Variants in AGBL4 observed in about 807,000 individuals in gnomAD.
The protein encoded by AGBL4 is AGBL carboxypeptidase 4, also known as cytosolic carboxypeptidase 6.
Under a neutral mutation model 66.4 loss-of-function variants are expected in AGBL4, and 58 were observed. The observed-to-expected ratio is 0.87, with a 90% CI of 0.71 to 1.09. The LOEUF (loss-of-function observed/expected upper bound fraction) is 1.09, where lower values mean the gene tolerates loss of function less well. Among genes scored for constraint, AGBL4 ranks in the 50% least tolerant of loss-of-function variants. AGBL4 has a pLI of 0.00. For missense variants in AGBL4, 579 were observed against 631.0 expected, an observed-to-expected ratio of 0.92 and a Z score of 0.88; for synonymous variants, 234 against 222.9, an observed-to-expected ratio of 1.05 and a Z score of -0.44.
chr1:49,255,348 C>T (rs2195763), intron 3 of AGBL4, among the ~76,000 whole-genome samples: 140,240 of 152,180 alleles, frequency 0.92, 64,776 homozygotes, highest in South Asian at 0.95. Context: ...CATTAAAAAG[C>T]GGGCAAAAGA....
chr1:49,599,775 AT>A (rs1188638060), intron 3 of AGBL4, among the ~76,000 whole-genome samples: 1 of 152,112 alleles, frequency 6.6e-6, no homozygotes, highest in Non-Finnish European at 1.5e-5. Context: ...CCTCTAAACA[AT>A]GCTTTAGCTG....
chr1:48,984,872 A>G (rs754164736), intron 5 of AGBL4, among the ~76,000 whole-genome samples: 2 of 151,980 alleles, frequency 1.3e-5, no homozygotes, highest in Non-Finnish European at 2.9e-5. Context: ...GAGGAAATGT[A>G]GAAATGTGCC....
At chr1:48,607,228 A>T (rs74079422) in intron 9 of AGBL4, among the ~76,000 whole-genome samples, 2,212 of 152,268 alleles carry the variant, frequency 0.015, 53 homozygotes, top group African/African-American at 0.05. Context: ...AAATTAACTT[A>T]AAAAATATAG....
chr1:48,908,349 C>G (rs1360745005), intron 5 of AGBL4, among the ~76,000 whole-genome samples: 3 of 152,234 alleles, frequency 2.0e-5, no homozygotes, highest in Non-Finnish European at 1.5e-5. Flanking sequence ...AAGATACAAC[C>G]AATACAGCAT....
chr1:48,931,068 C>G (rs1654997559), intron 5 of AGBL4, among the ~76,000 whole-genome samples: 1 of 152,004 alleles, frequency 6.6e-6, no homozygotes, highest in Admixed American at 6.6e-5. Flanking sequence ...AAAATTGAGC[C>G]CCAAAAACTT....
At chr1:48,681,730 C>T (rs1010626580) in intron 6 of AGBL4, among the ~76,000 whole-genome samples, 5 of 152,188 alleles carry the variant, frequency 3.3e-5, no homozygotes, top group African/African-American at 1.2e-4. Context: ...GACAGGGGCT[C>T]TCAGCTCAGA....
At chr1:49,235,091 T>C (rs193159493) in intron 4 of AGBL4, among the ~76,000 whole-genome samples, 2 of 152,298 alleles carry the variant, frequency 1.3e-5, no homozygotes, top group Non-Finnish European at 2.9e-5. Context: ...TCTTGTATAG[T>C]AGTTGGAATA....
At chr1:49,891,385 G>A (rs1648628632) in intron 1 of AGBL4, among the ~76,000 whole-genome samples, 1 of 152,144 alleles carries the variant, frequency 6.6e-6, no homozygotes, top group Non-Finnish European at 1.5e-5. Context: ...CAATTTTGCT[G>A]CTCAAGGGAT....
In AGBL4 at chr1:48,574,954, T is replaced by C. The variant is rs1227870158; in HGVS notation, c.1267+12050A>G. On this transcript the variant is annotated intron_variant, in intron 11 of 13. Transcript: ENST00000371839. Reference sequence around the variant, plus strand: ...TGTGCTCCTGTAGAGAATGGCCCTGTGGCCCCAGGGGTCACAGCAAATCCT... The same window carrying C: ...TGTGCTCCTGTAGAGAATGGCCCTGCGGCCCCAGGGGTCACAGCAAATCCT... Among the ~76,000 whole-genome samples, 3 of 152,318 alleles carry C rather than the reference T, an allele frequency of 2.0e-5. No homozygotes were observed. The East Asian group carries it at 5.8e-4, about 29-fold the overall frequency.
intron 6 of AGBL4, among the ~76,000 whole-genome samples, chr1:48,693,256 G>T (rs1420187098): frequency 6.6e-6 from 1 of 152,188 alleles, no homozygotes; most frequent in Non-Finnish European, 1.5e-5. Flanking sequence ...CTGGGAAAGG[G>T]AGTGTATCTG....
At chr1:49,266,575 C>T (rs1349058561) in intron 3 of AGBL4, among the ~76,000 whole-genome samples, 1 of 151,428 alleles carries the variant, frequency 6.6e-6, no homozygotes, top group East Asian at 1.9e-4. Flanking sequence ...TAAGACTGGG[C>T]CCTTTGCCCT....
intron 1 of AGBL4, among the ~76,000 whole-genome samples, chr1:49,880,437 G>A (rs563957815): frequency 3.7e-4 from 57 of 152,248 alleles, no homozygotes; most frequent in African/African-American, 1.3e-3. Context: ...GTGTCAGTGT[G>A]CCCCTGCTGG....
intron 3 of AGBL4, among the ~76,000 whole-genome samples, chr1:49,605,127 A>C (rs1269234390): frequency 6.6e-6 from 1 of 152,162 alleles, no homozygotes; most frequent in East Asian, 1.9e-4. Context: ...GCCCAAGGTC[A>C]CAAAGCTGTG....
chr1:48,524,848 C>CT, the AGBL4 span, among the ~76,000 whole-genome samples: 876 of 144,274 alleles, frequency 6.1e-3, 5 homozygotes, highest in East Asian at 0.026. Context: ...CAGCTTTCTC[C>CT]TTTTTTTTTT....
chr1:49,711,115 T>TA (rs1265625117), intron 2 of AGBL4, among the ~76,000 whole-genome samples: 2 of 152,220 alleles, frequency 1.3e-5, no homozygotes, highest in East Asian at 3.9e-4. Context: ...AACAAGGATG[T>TA]GAAGCAACTA....
intron 5 of AGBL4, among the ~76,000 whole-genome samples, chr1:48,994,402 C>CACTACATTAT (rs1557538363): frequency 6.6e-6 from 1 of 152,004 alleles, no homozygotes; most frequent in Non-Finnish European, 1.5e-5. Flanking sequence ...TCTGTTATAA[C>CACTACATTAT]ACTACATTAT....
intron 8 of AGBL4, among the ~76,000 whole-genome samples, chr1:48,651,821 C>T (rs1188137578): frequency 6.6e-6 from 1 of 152,184 alleles, no homozygotes; most frequent in African/African-American, 2.4e-5. Flanking sequence ...CTGAGTTAGG[C>T]CACGGACTTT....
intron 3 of AGBL4, among the ~76,000 whole-genome samples, chr1:49,421,134 T>A (rs1401515306): frequency 6.6e-6 from 1 of 152,166 alleles, no homozygotes; most frequent in African/African-American, 2.4e-5. Flanking sequence ...ATCTTAAACA[T>A]CTCAAAGCCT....
intron 5 of AGBL4, among the ~76,000 whole-genome samples, chr1:49,021,471 G>T (rs1663245698): frequency 6.6e-6 from 1 of 152,078 alleles, no homozygotes; most frequent in South Asian, 2.1e-4. Flanking sequence ...GAGCCCTCAT[G>T]AATGGGATTA....
Sources: gnomAD v4.1 joint callset for allele counts (sites outside exome capture counted in the v4.1 genomes callset) on GRCh38, gnomAD v4.1.1 for gene constraint, MANE v1.5 for transcripts, NCBI Gene and HGNC (gene_info 2026-07-23, HGNC 2026-07-21) for gene names.